Variants in RAD51B observed in about 807,000 individuals in gnomAD.
The protein encoded by RAD51B is DNA repair protein RAD51 homolog 2.
Under a neutral mutation model 42.2 loss-of-function variants are expected in RAD51B, and 38 were observed. That is an observed-to-expected ratio of 0.90 (90% CI 0.70 to 1.18). The LOEUF (loss-of-function observed/expected upper bound fraction) is 1.18. Among genes scored for constraint, RAD51B ranks in the 50% most tolerant of loss-of-function variants. The pLI is 0.00. For missense variants in RAD51B, 373 were observed against 400.7 expected (o/e 0.93, Z 0.59); for synonymous variants, 154 against 145.2 (o/e 1.06, Z -0.43).
intron 7 of RAD51B, among the ~76,000 whole-genome samples, chr14:68,110,549 A>G (rs1566652535): frequency 6.6e-6 from 1 of 152,082 alleles, no homozygotes; most frequent in African/African-American, 2.4e-5. Context: ...ATCTGGTTTC[A>G]TAAGCAGAAG....
chr14:68,362,887 GT>G (rs1475599742), intron 8 of RAD51B, among the ~76,000 whole-genome samples: 5 of 151,962 alleles, frequency 3.3e-5, no homozygotes, highest in Admixed American at 1.3e-4. Flanking sequence ...GAACAGAAAT[GT>G]TGTTAGCTCC....
At chr14:68,200,547 AC>A (rs1339474732) in intron 7 of RAD51B, among the ~76,000 whole-genome samples, 1 of 152,248 alleles carries the variant, frequency 6.6e-6, no homozygotes, top group Non-Finnish European at 1.5e-5. Context: ...ATCCTCAGAG[AC>A]CCTTCCTTTT....
rs1882829906 is a variant in RAD51B, at chr14:68,477,828, T to C, written c.*164T>C. Reference sequence around the variant, plus strand: ...TGCTCCTAAACCATTGAGCTAGCGATTTCAGACCTAGCAGGGAAGGTGAAG... The same window carrying C: ...TGCTCCTAAACCATTGAGCTAGCGACTTCAGACCTAGCAGGGAAGGTGAAG... On this transcript the variant is annotated 3_prime_UTR_variant, in exon 11 of 11. Coordinates refer to ENST00000471583, the MANE Select transcript of RAD51B (RefSeq NM_133510.4). 4 of 1,454,332 alleles carry C rather than the reference T, an allele frequency of 2.8e-6. No homozygotes were observed. In the Admixed American group the frequency reaches 8.7e-5, roughly 31 times the overall value. The allele number at this position is 1,454,332 out of a possible 1,614,324, so 90.1% of individuals were successfully genotyped here. A position where few individuals can be genotyped will look rare whatever the true frequency, so the allele number is the denominator to read the frequency against.
intron 8 of RAD51B, among the ~76,000 whole-genome samples, chr14:68,300,233 ATTAT>A (rs530121745): frequency 6.6e-6 from 1 of 151,700 alleles, no homozygotes; most frequent in African/African-American, 2.4e-5. Flanking sequence ...TCTTCCATTT[ATTAT>A]TTATTTATTT....
intron 7 of RAD51B, among the ~76,000 whole-genome samples, chr14:68,073,337 A>G (rs1470694925): frequency 2.0e-5 from 3 of 152,198 alleles, no homozygotes; most frequent in Non-Finnish European, 4.4e-5. Context: ...AAATAAGAAT[A>G]GCAACCCCTG....
At chr14:68,094,271 G>C (rs2077153570) in intron 7 of RAD51B, among the ~76,000 whole-genome samples, 1 of 152,058 alleles carries the variant, frequency 6.6e-6, no homozygotes, top group African/African-American at 2.4e-5. Context: ...CTGACGTTTT[G>C]TTTTCTGTTA....
At chr14:68,426,325 C>T (rs1161430660) in intron 9 of RAD51B, among the ~76,000 whole-genome samples, 1 of 151,938 alleles carries the variant, frequency 6.6e-6, no homozygotes, top group Non-Finnish European at 1.5e-5. Context: ...ATCCACCCAC[C>T]TCAGCCTCCC....
chr14:68,280,424 G>T (rs1482998511), intron 7 of RAD51B, among the ~76,000 whole-genome samples: 1 of 152,188 alleles, frequency 6.6e-6, no homozygotes, highest in Non-Finnish European at 1.5e-5. Context: ...GACCAGGTCT[G>T]CGTCTGGTGC....
At chr14:68,003,165 G>T (rs1000909801) in intron 7 of RAD51B, among the ~76,000 whole-genome samples, 3 of 152,136 alleles carry the variant, frequency 2.0e-5, no homozygotes, top group Admixed American at 6.5e-5. Context: ...CATGAGCATG[G>T]GATATGTTTC....
At chr14:67,877,097 A>AT (rs966366258) in intron 5 of RAD51B, among the ~76,000 whole-genome samples, 12 of 150,124 alleles carry the variant, frequency 8.0e-5, no homozygotes, top group Admixed American at 4.0e-4. Flanking sequence ...GCAAGAAGAA[A>AT]TTTTTTTTTT....
At chr14:68,375,552 G>A (rs959564290) in intron 8 of RAD51B, among the ~76,000 whole-genome samples, 7 of 152,134 alleles carry the variant, frequency 4.6e-5, no homozygotes, top group East Asian at 3.9e-4. Flanking sequence ...AGAGTATGCC[G>A]TCCCTCACCC....
intron 7 of RAD51B, among the ~76,000 whole-genome samples, chr14:68,216,988 C>CT (rs1249951668): frequency 6.6e-6 from 1 of 152,224 alleles, no homozygotes; most frequent in Non-Finnish European, 1.5e-5. Context: ...CTCCCAGACT[C>CT]TAATTCTTCT....
At chr14:68,077,861 C>A (rs539710673) in intron 7 of RAD51B, among the ~76,000 whole-genome samples, 1 of 152,242 alleles carries the variant, frequency 6.6e-6, no homozygotes, top group Non-Finnish European at 1.5e-5. Flanking sequence ...GTGGCTGAGG[C>A]AGGCGAATCG....
chr14:68,380,948 G>A (rs2083466516), intron 8 of RAD51B, among the ~76,000 whole-genome samples: 1 of 152,180 alleles, frequency 6.6e-6, no homozygotes, highest in Non-Finnish European at 1.5e-5. Context: ...TCAATCAGTA[G>A]GGTGAGCACA....
At chr14:68,044,446 C>G (rs959786258) in intron 7 of RAD51B, among the ~76,000 whole-genome samples, 3 of 152,140 alleles carry the variant, frequency 2.0e-5, no homozygotes. Context: ...AAAGTCAAAA[C>G]ACAAGATGTA....
intron 7 of RAD51B, among the ~76,000 whole-genome samples, chr14:67,975,461 A>T (rs1018440127): frequency 2.6e-5 from 4 of 152,242 alleles, no homozygotes; most frequent in African/African-American, 9.6e-5. Context: ...ACCTTAACAG[A>T]TATACCTATT....
intron 8 of RAD51B, among the ~76,000 whole-genome samples, chr14:68,362,577 C>T (rs2083047999): frequency 1.3e-5 from 2 of 152,262 alleles, no homozygotes; most frequent in South Asian, 4.1e-4. Context: ...AGGCCGGGCG[C>T]AGTGGCTCAC....
At chr14:68,546,759 G>A (rs1410307970) in intron 10 of RAD51B, among the ~76,000 whole-genome samples, 2 of 152,146 alleles carry the variant, frequency 1.3e-5, no homozygotes, top group Non-Finnish European at 2.9e-5. Context: ...AAGAGAAGAG[G>A]ACTTCTGGCT....
At chr14:68,217,658 T>A (rs1281960871) in intron 7 of RAD51B, among the ~76,000 whole-genome samples, 2 of 152,164 alleles carry the variant, frequency 1.3e-5, no homozygotes, top group African/African-American at 2.4e-5. Context: ...TCTCAAGATT[T>A]TTTTCTTGAT....
Sources: allele counts gnomAD v4.1 joint callset (sites outside exome capture counted in the v4.1 genomes callset), GRCh38; gene constraint gnomAD v4.1.1; transcripts MANE v1.5; gene names NCBI Gene and HGNC (gene_info 2026-07-23, HGNC 2026-07-21).